PHLPP1: variants seen among roughly 807,000 people sequenced by gnomAD.
PHLPP1 encodes the protein PH domain and leucine rich repeat protein phosphatase 1.
Under a neutral mutation model 117.2 loss-of-function variants are expected in PHLPP1, and 42 were observed. The observed-to-expected ratio is 0.36, with a 90% CI of 0.28 to 0.46. The LOEUF (loss-of-function observed/expected upper bound fraction) is 0.46. Ranked by LOEUF, PHLPP1 falls within the 20% of genes least tolerant of loss-of-function variation. The pLI is 1.00. For synonymous variants in PHLPP1, 1,042 were observed against 970.7 expected (o/e 1.07, Z -1.37); for missense variants, 2,084 against 2,241.9 (o/e 0.93, Z 1.42).
At chr18:62,888,299 G>A (rs1916330611) in intron 4 of PHLPP1, among the ~76,000 whole-genome samples, 2 of 143,428 alleles carry the variant, frequency 1.4e-5, no homozygotes, top group Non-Finnish European at 3.1e-5. Context: ...GTGTGTGTGT[G>A]TGTGTGTGTG....
chr18:62,807,212 A>G (rs1041008039), intron 1 of PHLPP1, among the ~76,000 whole-genome samples: 5 of 152,134 alleles, frequency 3.3e-5, no homozygotes, highest in Admixed American at 6.5e-5. Flanking sequence ...CTTCTTTGTT[A>G]CATAGTTATT....
chr18:62,790,786 T>G (rs1913433136), intron 1 of PHLPP1, among the ~76,000 whole-genome samples: 1 of 152,096 alleles, frequency 6.6e-6, no homozygotes, highest in South Asian at 2.1e-4. Context: ...GGAGTTAAGG[T>G]CATGAATCTG....
Position 62,944,418 on chromosome 18 carries a change from A to T in PHLPP1, c.3162-691A>T, listed in dbSNP as rs181988061. On this transcript the variant is annotated intron_variant, in intron 11 of 16. Transcript: ENST00000262719. Reference sequence around the variant, plus strand: ...AAAGACATTCTTAAACAGAAGTATTAAATTAATTACATTAGAACATATTAT... The same window carrying T: ...AAAGACATTCTTAAACAGAAGTATTTAATTAATTACATTAGAACATATTAT... Among the ~76,000 whole-genome samples, 133 of 151,810 alleles carry T rather than the reference A, an allele frequency of 8.8e-4. 1 individual carries two copies. Among genetic ancestry groups the T allele is most frequent in the African/African-American group, 3.1e-3 (130 of 41,592 alleles).
chr18:62,750,682 T>A (rs1264035002), intron 1 of PHLPP1, among the ~76,000 whole-genome samples: 1 of 152,038 alleles, frequency 6.6e-6, no homozygotes, highest in Admixed American at 6.5e-5. Flanking sequence ...CACTGTATTC[T>A]ATAGTTTAAC....
At chr18:62,878,727 T>C (rs1260001423) in intron 4 of PHLPP1, among the ~76,000 whole-genome samples, 1 of 152,212 alleles carries the variant, frequency 6.6e-6, no homozygotes, top group East Asian at 1.9e-4. Flanking sequence ...AATAGCTGTT[T>C]TTTTCCCCTA....
intron 1 of PHLPP1, among the ~76,000 whole-genome samples, chr18:62,794,272 C>G (rs533304621): frequency 6.6e-5 from 10 of 151,870 alleles, no homozygotes; most frequent in South Asian, 4.2e-4. Flanking sequence ...AAGTCCCTCT[C>G]TAGAACATTT....
intron 1 of PHLPP1, among the ~76,000 whole-genome samples, chr18:62,808,565 T>TTTTTTTTATTTTTTA (rs747889895): frequency 1.3e-5 from 2 of 150,802 alleles, no homozygotes; most frequent in Non-Finnish European, 3.0e-5. Context: ...TTGTTTTTTT[T>TTTTTTTTATTTTTTA]TTTTGAGACG....
intron 1 of PHLPP1, among the ~76,000 whole-genome samples, chr18:62,769,135 G>A (rs968130161): frequency 6.6e-6 from 1 of 152,148 alleles, no homozygotes; most frequent in Admixed American, 6.5e-5. Flanking sequence ...TTAGCATTCT[G>A]TATCAAACTT....
intron 14 of PHLPP1, among the ~76,000 whole-genome samples, chr18:62,967,707 G>C (rs117287431): frequency 0.027 from 4,023 of 151,208 alleles, 83 homozygotes; most frequent in Non-Finnish European, 0.043. Context: ...TGAGATGACT[G>C]TATGGTTTTT....
intron 3 of PHLPP1, among the ~76,000 whole-genome samples, chr18:62,849,496 A>T (rs1915265680): frequency 6.6e-6 from 1 of 151,764 alleles, no homozygotes; most frequent in Non-Finnish European, 1.5e-5. Flanking sequence ...CCCCATCTCT[A>T]CTAAAAATAC....
At chr18:62,822,527 G>A (rs1222910483) in intron 1 of PHLPP1, among the ~76,000 whole-genome samples, 5 of 151,580 alleles carry the variant, frequency 3.3e-5, no homozygotes, top group Admixed American at 6.6e-5. Context: ...CTCATGATCC[G>A]CCCGCCTCGG....
chr18:62,918,853 C>T (rs752078594), intron 9 of PHLPP1, among the ~76,000 whole-genome samples: 7 of 134,746 alleles, frequency 5.2e-5, no homozygotes, highest in Non-Finnish European at 9.7e-5. Context: ...GTTCTCATCA[C>T]AAAAAAAAAA....
At chr18:62,836,950 C>T (rs1447358588) in intron 2 of PHLPP1, among the ~76,000 whole-genome samples, 2 of 151,926 alleles carry the variant, frequency 1.3e-5, no homozygotes, top group East Asian at 1.9e-4. Flanking sequence ...AGTGAAATTC[C>T]GTCTCAAAAA....
chr18:62,978,411 C>A lies in PHLPP1; in HGVS notation c.4134C>A (p.Asp1378Glu), dbSNP rs368103591. Reference sequence around the variant, plus strand: ...TCCTAGGCAGTAAGGGGTTGTGGGACAGCCTGTCCGTCGAGGAGGCCGTGG... The same window carrying A: ...TCCTAGGCAGTAAGGGGTTGTGGGAAAGCCTGTCCGTCGAGGAGGCCGTGG... ...FFILGSKGLWDSLSVEEAVEA... is the reference protein window; with the variant it reads ...FFILGSKGLWESLSVEEAVEA... The change falls in exon 17 of 17, where the codon GAC becomes GAA. Residue 1378 changes from aspartate (D) to glutamate (E), a missense_variant. Asp to Glu is a conservative substitution (Grantham distance 45). This residue lies in a region of PHLPP1 where 1,365 missense variants were observed against 1,605.9 expected (regional missense o/e 0.85). Transcript: ENST00000262719. The surrounding 1 kb of genome is among the most constrained non-coding windows in gnomAD (Gnocchi z 7.0). The A allele has an allele frequency of 1.2e-6, 2 of 1,612,456 alleles. No homozygotes were observed. The highest frequency in any genetic ancestry group is 8.5e-7 in the Non-Finnish European group (1 of 1,179,290).
In PHLPP1 at chr18:62,978,564, C is replaced by T; in HGVS notation, c.4287C>T (p.Phe1429=). 2 of 1,613,006 alleles carry T rather than the reference C, an allele frequency of 1.2e-6. No individual in the cohort carries two copies. The highest frequency in any genetic ancestry group is 1.1e-5 in the South Asian group (1 of 90,896). ...AGCTCAGTGTCACTGAGGACAGCTT[C>T]TGCTGCTGCGAGCTCAGCGCCGGTG... ...VVQLSVTEDS[F]CCCELSAGGA... The change falls in exon 17 of 17, where the codon TTC becomes TTT. Residue 1429 remains phenylalanine, a synonymous_variant. Transcript: ENST00000262719. The surrounding 1 kb of genome is among the most constrained non-coding windows in gnomAD (Gnocchi z 7.0).
rs1913217753 is a variant in PHLPP1 at position 62,784,451 on chromosome 18, T to C, written c.1577-45584T>C. 2.0e-5 allele frequency among the ~76,000 whole-genome samples: 3 copies of C among 152,266 alleles called. 1 individual carries two copies. The highest frequency in any genetic ancestry group is 6.8e-3 in the Middle Eastern group (2 of 294). On this transcript the variant is annotated intron_variant, in intron 1 of 16. Transcript: ENST00000262719. ...GAAGTTGGTGTACTATAACTCATGGTAGGTTTTGTAGCCATACCCATAAGC... is the reference window on the plus strand; with the variant it reads ...GAAGTTGGTGTACTATAACTCATGGCAGGTTTTGTAGCCATACCCATAAGC...
chr18:62,765,836 TTACAAAAAAA>T (rs1912456117), intron 1 of PHLPP1, among the ~76,000 whole-genome samples: 1 of 150,564 alleles, frequency 6.6e-6, no homozygotes, highest in Non-Finnish European at 1.5e-5. Context: ...TGTACTAAAA[TTACAAAAAAA>T]AATTAGCTGG....
intron 9 of PHLPP1, 148 bp downstream of exon 9, chr18:62,915,156 AGT>A: frequency 1.7e-6 from 1 of 602,584 alleles, no homozygotes; most frequent in Non-Finnish European, 2.9e-6. Flanking sequence ...GGTGTCTTCA[AGT>A]TACACACTTG....
At chr18:62,721,955 G>A (rs991533024) in intron 1 of PHLPP1, among the ~76,000 whole-genome samples, 7 of 152,098 alleles carry the variant, frequency 4.6e-5, no homozygotes, top group Non-Finnish European at 1.0e-4. Context: ...GCCTAGTATA[G>A]TCCTTGGCAT....
Sources: gnomAD v4.1 joint callset for allele counts (sites outside exome capture counted in the v4.1 genomes callset) on GRCh38, gnomAD v4.1.1 for gene constraint, gnomAD v4.1.1 regional missense constraint, Gnocchi (gnomAD v3.1) non-coding constraint, MANE v1.5 for transcripts, NCBI Gene and HGNC (gene_info 2026-07-23, HGNC 2026-07-21) for gene names.